Variants in PLCL1 observed in about 807,000 individuals in gnomAD.
PLCL1 encodes phospholipase C like 1 (inactive), also known as inactive phospholipase C-like protein 1.
PLCL1 carries 41 observed loss-of-function variants against 84.4 expected under a neutral mutation model. That is an observed-to-expected ratio of 0.49 (90% CI 0.38 to 0.63). The LOEUF is 0.63. PLCL1 is among the 30% of genes least tolerant of loss of function. The pLI is 0.00. For missense variants in PLCL1, 1,206 were observed against 1,367.8 expected (o/e 0.88, Z 1.87); for synonymous variants, 490 against 488.3 (o/e 1.00, Z -0.05).
Position 197,909,528 on chromosome 2 carries a change from C to T in PLCL1, c.240+104189C>T, listed in dbSNP as rs114500769. ...TTGATTCCTTCCTGGCCCACTTCCT[C>T]CTCATGGCTCTGGGAAGCCCCACAG... On this transcript the variant is annotated intron_variant, in intron 1 of 5. Transcript: ENST00000428675. Among the ~76,000 whole-genome samples the T allele has an allele frequency of 7.9e-3, 1,207 of 152,218 alleles. 16 individuals carry two copies. The highest frequency in any genetic ancestry group is 0.028 in the African/African-American group (1,160 of 41,544).
chr2:197,809,949 A>G (rs1030796), intron 1 of PLCL1, among the ~76,000 whole-genome samples: 27,463 of 152,040 alleles, frequency 0.18, 2,578 homozygotes, highest in East Asian at 0.27. Flanking sequence ...CCAGGAATTA[A>G]TCAGCATTTA....
intron 5 of PLCL1, among the ~76,000 whole-genome samples, chr2:198,116,386 A>T (rs912482626): frequency 5.9e-5 from 9 of 151,794 alleles, no homozygotes; most frequent in Admixed American, 5.3e-4. Context: ...TACATTATTG[A>T]TACTTTTAGT....
At chr2:197,997,575 A>T (rs1312374145) in intron 1 of PLCL1, among the ~76,000 whole-genome samples, 2 of 152,216 alleles carry the variant, frequency 1.3e-5, no homozygotes, top group African/African-American at 4.8e-5. Context: ...GCACGCACTG[A>T]TGGCTGTTTC....
intron 5 of PLCL1, among the ~76,000 whole-genome samples, chr2:198,136,963 T>A (rs1694269869): frequency 6.6e-6 from 1 of 152,154 alleles, no homozygotes. Flanking sequence ...AAGACAAAAG[T>A]TAGAAATCAA....
At chr2:198,022,142 T>G (rs1691147824) in intron 1 of PLCL1, among the ~76,000 whole-genome samples, 1 of 152,190 alleles carries the variant, frequency 6.6e-6, no homozygotes, top group South Asian at 2.1e-4. Context: ...ACCACATGAT[T>G]ATCTCAATAG....
At chr2:198,034,744 G>T (rs1691514966) in intron 1 of PLCL1, among the ~76,000 whole-genome samples, 1 of 152,066 alleles carries the variant, frequency 6.6e-6, no homozygotes, top group South Asian at 2.1e-4. Context: ...CTAACAAAGG[G>T]CAAAAACCAA....
chr2:197,926,853 T>G (rs915567306), intron 1 of PLCL1, among the ~76,000 whole-genome samples: 1 of 152,200 alleles, frequency 6.6e-6, no homozygotes. Context: ...GGGTTTGGCA[T>G]GAGGTTTCAT....
intron 5 of PLCL1, among the ~76,000 whole-genome samples, chr2:198,109,676 C>T (rs1270352980): frequency 3.3e-5 from 5 of 151,802 alleles, no homozygotes; most frequent in Non-Finnish European, 7.4e-5. Flanking sequence ...CATCTAAAGT[C>T]TTGAACTCTA....
In PLCL1 at chr2:198,149,191, T is replaced by G. The variant is rs563046375; in HGVS notation, c.*2229T>G. The G allele has an allele frequency of 3.8e-4, 58 of 152,414 alleles. No homozygotes were observed. Among genetic ancestry groups the G allele is most frequent in the African/African-American group, 1.0e-3 (43 of 41,562 alleles). The allele number at this position is 152,414 out of a possible 1,614,324, so 9.4% of individuals were successfully genotyped here. On this transcript the variant is annotated 3_prime_UTR_variant, in exon 6 of 6. Transcript: ENST00000428675. Reference sequence around the variant, plus strand: ...AATAGCAAAAACAAACAATTTTTTTTTGTGTATTATGCCTCCATGACATTG... The same window carrying G: ...AATAGCAAAAACAAACAATTTTTTTGTGTGTATTATGCCTCCATGACATTG...
chr2:198,077,382 C>G (rs1455771359), intron 1 of PLCL1, among the ~76,000 whole-genome samples: 1 of 152,132 alleles, frequency 6.6e-6, no homozygotes, highest in East Asian at 1.9e-4. Flanking sequence ...AAGACATTCT[C>G]TTGCCCAAGT....
At chr2:197,827,597 A>AATAAT (rs1553492981) in intron 1 of PLCL1, among the ~76,000 whole-genome samples, 1 of 151,538 alleles carries the variant, frequency 6.6e-6, no homozygotes, top group East Asian at 1.9e-4. Context: ...AGGTTAAAAA[A>AATAAT]TAAATCCATT....
intron 1 of PLCL1, among the ~76,000 whole-genome samples, chr2:197,852,546 C>T (rs1559025307): frequency 1.3e-5 from 2 of 152,152 alleles, no homozygotes; most frequent in African/African-American, 4.8e-5. Flanking sequence ...TACTATTGCT[C>T]TCAGGATTAA....
chr2:198,014,071 A>G (rs1690933312), intron 1 of PLCL1, among the ~76,000 whole-genome samples: 1 of 152,116 alleles, frequency 6.6e-6, no homozygotes, highest in African/African-American at 2.4e-5. Flanking sequence ...CATCATTTCT[A>G]GAAAAGCATC....
chr2:197,817,098 T>C (rs1690705792), intron 1 of PLCL1, among the ~76,000 whole-genome samples: 1 of 152,138 alleles, frequency 6.6e-6, no homozygotes, highest in Admixed American at 6.6e-5. Context: ...CTTTCTTTTG[T>C]ATGTCAGTTT....
At chr2:197,826,885 C>T (rs970845832) in intron 1 of PLCL1, among the ~76,000 whole-genome samples, 7 of 152,132 alleles carry the variant, frequency 4.6e-5, no homozygotes, top group African/African-American at 1.4e-4. Context: ...TTTTCCTTCT[C>T]GTTTTTCATC....
At chr2:197,893,859 T>C (rs1432017591) in intron 1 of PLCL1, among the ~76,000 whole-genome samples, 2 of 151,916 alleles carry the variant, frequency 1.3e-5, no homozygotes, top group Non-Finnish European at 2.9e-5. Context: ...AAGCTGGAGG[T>C]AGGCAGTTGC....
chr2:197,967,401 T>C (rs529590538), intron 1 of PLCL1, among the ~76,000 whole-genome samples: 36 of 152,274 alleles, frequency 2.4e-4, no homozygotes, highest in African/African-American at 8.7e-4. Context: ...TTCACCATGT[T>C]GGCCAGGCTG....
Position 198,076,170 on chromosome 2 carries a change from CT to C in PLCL1, c.241-7578del, listed in dbSNP as rs11465077. Among the ~76,000 whole-genome samples the C allele has an allele frequency of 8.0e-5, 12 of 150,598 alleles. No homozygotes were observed. In the East Asian group the frequency reaches 2.1e-3, roughly 27 times the overall value. On this transcript the variant is annotated intron_variant, in intron 1 of 5. Coordinates refer to ENST00000428675, the MANE Select transcript of PLCL1 (RefSeq NM_006226.4). ...CTAACTACCCACTCTGAAATGGACTCTTTTTTTTTTCTCAGCACTCTATCAC... is the reference window on the plus strand; with the variant it reads ...CTAACTACCCACTCTGAAATGGACTCTTTTTTTTTCTCAGCACTCTATCAC...
chr2:197,805,213 TG>T lies in PLCL1; in HGVS notation c.119del (p.Gly40AlafsTer3). Reference sequence around the variant, plus strand: ...CCGGGGACTGCGTGACGGCGGCCTCTGGGGGCCGGATGAGGGACCGTCGCAG... The same window carrying T: ...CCGGGGACTGCGTGACGGCGGCCTCTGGGGCCGGATGAGGGACCGTCGCAG... ...AAGDCVTAAS[G>X]GRMRDRRSGV... is the part of the protein sequence containing the mutation. On this transcript the variant is annotated frameshift_variant, in exon 1 of 6. Transcript: ENST00000428675. LOFTEE classifies it high-confidence loss of function. This position sits in a 1 kb window ranked among gnomAD's most constrained non-coding sequence, Gnocchi z 4.0. 7.8e-7 allele frequency: 1 copy of T among 1,274,770 alleles called. No individual in the cohort carries two copies. 79.0% of individuals were successfully genotyped at this position (1,274,770 alleles called of 1,614,324 possible).
Sources: allele counts gnomAD v4.1 joint callset (sites outside exome capture counted in the v4.1 genomes callset), GRCh38; gene constraint gnomAD v4.1.1; non-coding constraint Gnocchi (gnomAD v3.1); transcripts MANE v1.5; gene names NCBI Gene and HGNC (gene_info 2026-07-23, HGNC 2026-07-21).